The following CPM variants were observed in gnomAD, a reference collection of about 807,000 sequenced individuals.
CPM encodes carboxypeptidase M.
A neutral mutation model predicts 46.4 loss-of-function variants in CPM; 35 were observed. The ratio of observed to expected loss-of-function variants is 0.75; its 90% confidence interval spans 0.58 to 1.00. The LOEUF is 1.00. Among genes scored for constraint, CPM ranks in the 50% least tolerant of loss-of-function variants. The probability of loss-of-function intolerance (pLI) is 0.00; values close to 1 mark genes in which losing one functional copy is unlikely to be tolerated. For missense variants in CPM, 422 were observed against 530.4 expected, an observed-to-expected ratio of 0.80 and a Z score of 2.01; for synonymous variants, 195 against 195.3, an observed-to-expected ratio of 1.00 and a Z score of 0.01.
intron 6 of CPM, among the ~76,000 whole-genome samples, chr12:68,868,288 A>G (rs757547140): frequency 1.3e-4 from 20 of 152,144 alleles, no homozygotes; most frequent in East Asian, 3.9e-4. Flanking sequence ...CCTGTTGCCT[A>G]TCAGTTGTGG....
At chr12:68,876,911 TGTGTGTGTGA>T (rs988501506) in intron 3 of CPM, among the ~76,000 whole-genome samples, 7 of 125,898 alleles carry the variant, frequency 5.6e-5, no homozygotes, top group Non-Finnish European at 1.1e-4. Context: ...TGTGTGTGTG[TGTGTGTGTGA>T]GAGAGAGAGA....
chr12:68,859,973 T>C (rs1027839047), intron 7 of CPM, among the ~76,000 whole-genome samples: 2 of 152,176 alleles, frequency 1.3e-5, no homozygotes, highest in African/African-American at 2.4e-5. Flanking sequence ...AGAGCTACAA[T>C]AGTAAGATGA....
intron 1 of CPM, among the ~76,000 whole-genome samples, chr12:68,946,999 G>A (rs1232011796): frequency 7.9e-5 from 12 of 152,176 alleles, no homozygotes; most frequent in Admixed American, 7.9e-4. Flanking sequence ...CTCAGTCCAT[G>A]CAAATAACTC....
chr12:68,914,087 T>A, intron 2 of CPM: 1 of 588,164 alleles, frequency 1.7e-6, no homozygotes. Flanking sequence ...TCTGGGTAAT[T>A]ACAAACAGAA....
At chr12:68,942,375 G>A (rs532604369) in intron 1 of CPM, among the ~76,000 whole-genome samples, 2 of 152,092 alleles carry the variant, frequency 1.3e-5, no homozygotes, top group Non-Finnish European at 2.9e-5. Flanking sequence ...GAAAGAAAAG[G>A]ACTAAAAAAA....
At chr12:68,932,298 C>T (rs549144086) in intron 2 of CPM, among the ~76,000 whole-genome samples, 2 of 152,184 alleles carry the variant, frequency 1.3e-5, no homozygotes, top group African/African-American at 2.4e-5. Flanking sequence ...ATTAACAGTC[C>T]AAGTCATATA....
At chr12:68,894,988 C>T (rs969928577) in intron 2 of CPM, among the ~76,000 whole-genome samples, 9 of 144,866 alleles carry the variant, frequency 6.2e-5, no homozygotes, top group Non-Finnish European at 1.3e-4. Flanking sequence ...GAGATCGCAC[C>T]GCTGCACTCC....
intron 4 of CPM, 170 bp downstream of exon 4, chr12:68,871,614 C>T (rs1885698560): frequency 2.9e-6 from 2 of 692,210 alleles, no homozygotes; most frequent in South Asian, 2.0e-5. Flanking sequence ...TTTCTTCCTG[C>T]AAGCCGGAGG....
At chr12:68,845,501 G>A (rs1244454023) in intron 5 of CPM, 6 of 198,896 alleles carry the variant, frequency 3.0e-5, no homozygotes, top group East Asian at 1.6e-4. Context: ...AATATTTAAC[G>A]TTAGAGTAAT....
At chr12:68,898,198 GTAAT>G (rs891252325) in intron 2 of CPM, among the ~76,000 whole-genome samples, 8 of 151,726 alleles carry the variant, frequency 5.3e-5, no homozygotes, top group Admixed American at 4.7e-4. Flanking sequence ...TCACAGAGCT[GTAAT>G]TTAAGAAGAG....
At chr12:68,959,871 G>C (rs1027675012) in intron 1 of CPM, among the ~76,000 whole-genome samples, 1 of 152,196 alleles carries the variant, frequency 6.6e-6, no homozygotes, top group African/African-American at 2.4e-5. Context: ...ATATCCCCAG[G>C]CGTCTCTCCC....
At chr12:68,898,651 G>A (rs987712573) in intron 2 of CPM, among the ~76,000 whole-genome samples, 1 of 152,222 alleles carries the variant, frequency 6.6e-6, no homozygotes, top group Non-Finnish European at 1.5e-5. Flanking sequence ...TCACCTGCCT[G>A]AACACAGCAT....
chr12:68,876,867 GGTGTGTGTGTGTGTGCACGCGCATGCGT>G (rs1359947617), intron 3 of CPM, among the ~76,000 whole-genome samples: 7 of 150,162 alleles, frequency 4.7e-5, no homozygotes, highest in Admixed American at 1.3e-4. Flanking sequence ...AGTGTTGTGT[GGTGTGTGTGTGTGTGCACGCGCATGCGT>G]GTGTGTGTGT....
chr12:68,926,041 C>T (rs1057315788), intron 2 of CPM, among the ~76,000 whole-genome samples: 3 of 152,132 alleles, frequency 2.0e-5, no homozygotes, highest in African/African-American at 7.2e-5. Flanking sequence ...CTCAGCCTCC[C>T]AAGTAGCTGG....
chr12:68,894,774 C>A (rs928746521), intron 2 of CPM, among the ~76,000 whole-genome samples: 2 of 152,048 alleles, frequency 1.3e-5, no homozygotes, highest in Non-Finnish European at 2.9e-5. Flanking sequence ...GTGGCTCATG[C>A]CTGTAATCCC....
chr12:68,842,339 A>C (rs1301977527), intron 5 of CPM: 2 of 495,768 alleles, frequency 4.0e-6, no homozygotes, highest in African/African-American at 1.9e-5. Flanking sequence ...GCTGGAAGAA[A>C]AGATGATATA....
At chr12:68,846,642 G>T (rs893415279), downstream of CPM, 1 of 152,086 alleles carries the variant, frequency 6.6e-6, no homozygotes, top group African/African-American at 2.4e-5. Flanking sequence ...TTAAATATTG[G>T]GGGAAAAACT....
intron 5 of CPM, chr12:68,845,510 ATAG>A (rs1331975781): frequency 5.1e-6 from 1 of 197,098 alleles, no homozygotes; most frequent in East Asian, 8.0e-5. Flanking sequence ...CGTTAGAGTA[ATAG>A]TATTTTGAAT....
At chr12:68,910,939 C>T (rs915077534) in intron 2 of CPM, among the ~76,000 whole-genome samples, 4 of 151,686 alleles carry the variant, frequency 2.6e-5, no homozygotes, top group Non-Finnish European at 5.9e-5. Context: ...GTAAAAGACA[C>T]GGAGGAATTT....
Sources: allele counts gnomAD v4.1 joint callset (sites outside exome capture counted in the v4.1 genomes callset), GRCh38; gene constraint gnomAD v4.1.1; transcripts MANE v1.5; gene names NCBI Gene and HGNC (gene_info 2026-07-23, HGNC 2026-07-21).